OSBPL1A: variants seen among roughly 807,000 people sequenced by gnomAD.
OSBPL1A encodes oxysterol binding protein like 1A.
Under a neutral mutation model 137.1 loss-of-function variants are expected in OSBPL1A, and 80 were observed. The observed-to-expected ratio is 0.58, with a 90% CI of 0.49 to 0.70. The LOEUF is 0.70. Among genes scored for constraint, OSBPL1A ranks in the 30% least tolerant of loss-of-function variants. OSBPL1A has a pLI of 0.00. For missense variants in OSBPL1A, 970 were observed against 1,129.4 expected (o/e 0.86, Z 2.02); for synonymous variants, 365 against 389.7 (o/e 0.94, Z 0.75).
At chr18:24,282,932 G>T (rs1310925920) in intron 14 of OSBPL1A, among the ~76,000 whole-genome samples, 4 of 152,004 alleles carry the variant, frequency 2.6e-5, no homozygotes, top group African/African-American at 9.7e-5. Flanking sequence ...AAAAAAGCAA[G>T]ACTTCATCTC....
intron 14 of OSBPL1A, among the ~76,000 whole-genome samples, chr18:24,286,137 AC>A (rs1228215732): frequency 6.6e-6 from 1 of 152,180 alleles, no homozygotes; most frequent in Non-Finnish European, 1.5e-5. Context: ...AGCCTGGGTG[AC>A]AGAGCAAGAC....
Position 24,179,875 on chromosome 18 carries a change from G to A in OSBPL1A, c.1813-40C>T, listed in dbSNP as rs546493210. On this transcript the variant is annotated intron_variant, in intron 19 of 27. Transcript: ENST00000319481. ...ATGAGAACAAGTCAAAAATAGCCGA[G>A]CTCGCTCCGCATTCTTTTAGGAACT... 45 of 1,516,934 alleles carry A rather than the reference G, an allele frequency of 3.0e-5. No homozygotes were observed. The African/African-American group carries it at 5.1e-4, about 17-fold the overall frequency. 94.0% of individuals were successfully genotyped at this position (1,516,934 alleles called of 1,614,324 possible).
intron 24 of OSBPL1A, among the ~76,000 whole-genome samples, chr18:24,167,684 A>G (rs2086178163): frequency 1.3e-5 from 2 of 152,232 alleles, no homozygotes; most frequent in South Asian, 4.1e-4. Flanking sequence ...CCACATGAAA[A>G]AAGAGATATA....
chr18:24,178,065 C>A lies in OSBPL1A; in HGVS notation c.2041G>T (p.Gly681Trp), dbSNP rs752700316. Reference sequence around the variant, plus strand: ...TTGGGTTCTGCTTCTACACTCTTCCCCCAGAATTTCAGTTTGGGATAGATA... The same window carrying A: ...TTGGGTTCTGCTTCTACACTCTTCCACCAGAATTTCAGTTTGGGATAGATA... ...GSIYPKLKFW[G>W]KSVEAEPKGT... The change falls in exon 21 of 28, where the codon GGG becomes TGG. Residue 681 changes from glycine to tryptophan, a missense_variant. By Grantham distance (184) the Gly-to-Trp change is radical. This residue lies in a region of OSBPL1A where 323 missense variants were observed against 456.8 expected (regional missense o/e 0.71). Transcript: ENST00000319481. 6.2e-7 allele frequency: 1 copy of A among 1,613,966 alleles called. No individual in the cohort carries two copies. Among genetic ancestry groups the A allele is most frequent in the South Asian group, 1.1e-5 (1 of 91,068 alleles).
At chr18:24,292,859 A>G (rs2090201037) in intron 14 of OSBPL1A, among the ~76,000 whole-genome samples, 1 of 152,108 alleles carries the variant, frequency 6.6e-6, no homozygotes, top group South Asian at 2.1e-4. Context: ...TAATCCCAGC[A>G]CTTTGGGAGG....
At chr18:24,257,081 C>T (rs913261540) in intron 15 of OSBPL1A, among the ~76,000 whole-genome samples, 2 of 151,350 alleles carry the variant, frequency 1.3e-5, no homozygotes, top group South Asian at 2.1e-4. Flanking sequence ...CAATGCTATC[C>T]CTATCAAAAT....
At chr18:24,383,651 G>T (rs1906761091) in intron 1 of OSBPL1A, among the ~76,000 whole-genome samples, 1 of 152,192 alleles carries the variant, frequency 6.6e-6, no homozygotes, top group Admixed American at 6.6e-5. Context: ...CTACTCGGGA[G>T]GCTGAGGCAA....
intron 9 of OSBPL1A, among the ~76,000 whole-genome samples, chr18:24,318,150 G>T (rs567924491): frequency 6.6e-6 from 1 of 152,158 alleles, no homozygotes; most frequent in South Asian, 2.1e-4. Flanking sequence ...AAATCCAGTA[G>T]TATAAAAGTG....
At position 24,318,765 on chromosome 18, in the gene OSBPL1A, T is replaced by G. The variant is rs577904546; in HGVS notation, c.670A>C (p.Ile224Leu). ...CTCTGTACCTTATTACCAACAAGAA[T>G]GTGTTTCATTTCAGCACCCTGGGCA... is the stretch of plus-strand genomic sequence containing the variant. ...DLAQGAEMKH[I>L]LVGNKVIYKA... The change falls in exon 8 of 28, where the codon ATT becomes CTT. Residue 224 changes from isoleucine (I) to leucine (L), a missense_variant. Around this residue, in one of 2 missense-constraint regions of OSBPL1A, gnomAD observed 647 missense variants for 672.6 expected, o/e 0.96. Coordinates refer to ENST00000319481, the MANE Select transcript of OSBPL1A (RefSeq NM_080597.4). The G allele has an allele frequency of 3.0e-5, 49 of 1,613,124 alleles. No individual in the cohort carries two copies. Among genetic ancestry groups the G allele is most frequent in the Non-Finnish European group, 4.0e-5 (47 of 1,179,860 alleles).
rs148635335 is a variant in OSBPL1A, at chr18:24,207,573, A to G, written c.1602-11373T>C. ...CTTACCTCTGATTCCAGATTAAAGAATGAACTAAAAATCTAAGAAAACTAT... is the reference window on the plus strand; with the variant it reads ...CTTACCTCTGATTCCAGATTAAAGAGTGAACTAAAAATCTAAGAAAACTAT... On this transcript the variant is annotated intron_variant, in intron 17 of 27. Transcript: ENST00000319481. 9.7e-3 allele frequency among the ~76,000 whole-genome samples: 1,483 copies of G among 152,384 alleles called. 13 individuals carry two copies. The highest frequency in any genetic ancestry group is 0.016 in the Non-Finnish European group (1,088 of 68,040).
intron 4 of OSBPL1A, chr18:24,358,499 C>A (rs2091572947): frequency 5.7e-6 from 4 of 702,240 alleles, no homozygotes; most frequent in Non-Finnish European, 1.0e-5. Context: ...TCTCAGCTTC[C>A]CTGAGAACAG....
chr18:24,329,127 G>A (rs2091031659), intron 7 of OSBPL1A, among the ~76,000 whole-genome samples: 1 of 152,120 alleles, frequency 6.6e-6, no homozygotes, highest in Non-Finnish European at 1.5e-5. Flanking sequence ...TGCATCTGTG[G>A]TCCCAGCTAC....
chr18:24,168,983 C>G (rs2086208152), intron 24 of OSBPL1A, among the ~76,000 whole-genome samples: 1 of 152,220 alleles, frequency 6.6e-6, no homozygotes, highest in South Asian at 2.1e-4. Flanking sequence ...CAAGGTGCCT[C>G]CTATTAGCAG....
chr18:24,195,899 TTC>T, intron 18 of OSBPL1A: 3 of 490,222 alleles, frequency 6.1e-6, no homozygotes, highest in South Asian at 4.4e-5. Flanking sequence ...CATTTTCAGT[TTC>T]TGTTTGTTTT....
intron 18 of OSBPL1A, among the ~76,000 whole-genome samples, chr18:24,191,539 T>TA (rs2086892434): frequency 1.5e-5 from 1 of 67,254 alleles, no homozygotes; most frequent in Non-Finnish European, 3.1e-5. Flanking sequence ...CATAACATTT[T>TA]ACCTTTGTTA....
At position 24,271,971 on chromosome 18, in the gene OSBPL1A, G is replaced by C. The variant is rs965360624; in HGVS notation, c.1281+8871C>G. On this transcript the variant is annotated intron_variant, in intron 15 of 27. Transcript: ENST00000319481. This position sits in a 1 kb window ranked among gnomAD's most constrained non-coding sequence, Gnocchi z 4.0. ...CGCAGACCCGCCCTCCGGGGCTCGC[G>C]GGGAGAGCGCGGGCGGGCGGCGGCA... The C allele has an allele frequency of 6.1e-6, 6 of 982,138 alleles. No individual in the cohort carries two copies. In the African/African-American group the frequency reaches 1.1e-4, roughly 17 times the overall value. The allele number at this position is 982,138 out of a possible 1,614,324, so 60.8% of individuals were successfully genotyped here.
chr18:24,239,092 GCTAT>G (rs2088595435), intron 16 of OSBPL1A, 124 bp downstream of exon 16: 5 of 1,090,364 alleles, frequency 4.6e-6, no homozygotes, highest in Middle Eastern at 3.1e-4. Context: ...CCAATACATC[GCTAT>G]CTGTTTATTC....
At chr18:24,282,237 C>T (rs2089977287) in intron 14 of OSBPL1A, among the ~76,000 whole-genome samples, 1 of 151,698 alleles carries the variant, frequency 6.6e-6, no homozygotes, top group African/African-American at 2.4e-5. Flanking sequence ...AAACAGCTGA[C>T]AAGAAGGACT....
intron 5 of OSBPL1A, among the ~76,000 whole-genome samples, chr18:24,340,401 A>G (rs1455840487): frequency 6.6e-6 from 1 of 152,190 alleles, no homozygotes; most frequent in Admixed American, 6.5e-5. Flanking sequence ...TACCAGGCAC[A>G]GTGGCTCACA....
Sources: allele counts gnomAD v4.1 joint callset (sites outside exome capture counted in the v4.1 genomes callset), GRCh38; gene constraint gnomAD v4.1.1; regional missense constraint gnomAD v4.1.1; non-coding constraint Gnocchi (gnomAD v3.1); transcripts MANE v1.5; gene names NCBI Gene and HGNC (gene_info 2026-07-23, HGNC 2026-07-21).